Variants in ENTPD1 observed in about 807,000 individuals in gnomAD.
The protein encoded by ENTPD1 is ATP diphosphohydrolase.
A neutral mutation model predicts 57.0 loss-of-function variants in ENTPD1; 33 were observed. That is an observed-to-expected ratio of 0.58 (90% CI 0.44 to 0.77). ENTPD1 has a LOEUF of 0.77. ENTPD1 is among the 30% of genes least tolerant of loss of function. The pLI, the probability that ENTPD1 is intolerant of heterozygous loss-of-function variation, is 0.00. For synonymous variants in ENTPD1, 202 were observed against 218.8 expected, an observed-to-expected ratio of 0.92 and a Z score of 0.68; for missense variants, 501 against 603.4, an observed-to-expected ratio of 0.83 and a Z score of 1.78.
intron 1 of ENTPD1, among the ~76,000 whole-genome samples, chr10:95,715,545 A>G (rs1483515959): frequency 6.6e-6 from 1 of 151,380 alleles, no homozygotes; most frequent in Admixed American, 6.6e-5. Flanking sequence ...ATTCACATTC[A>G]GTGTAGTTAT....
Position 95,872,115 on chromosome 10 carries a change from AT to A in ENTPD1, c.*5734del, listed in dbSNP as rs2098481178. On this transcript the variant is annotated 3_prime_UTR_variant, in exon 10 of 10. Transcript: ENST00000371205. ...TATTTCTCCTTCTAATATTACTGTT[AT>A]TGCTCCAGTAAAGAGCTGTAATATA... 1.0e-6 allele frequency: 1 copy of A among 985,358 alleles called. No homozygotes were observed. Among genetic ancestry groups the A allele is most frequent in the Non-Finnish European group, 1.2e-6 (1 of 829,916 alleles). The allele number at this position is 985,358 out of a possible 1,614,324, so 61.0% of individuals were successfully genotyped here. A position where few individuals can be genotyped will look rare whatever the true frequency, so the allele number is the denominator to read the frequency against.
At chr10:95,719,274 G>A (rs927916884) in intron 1 of ENTPD1, among the ~76,000 whole-genome samples, 2 of 152,282 alleles carry the variant, frequency 1.3e-5, no homozygotes, top group Middle Eastern at 3.4e-3. Flanking sequence ...ATAAAGAAAA[G>A]TCTCGCTCCG....
intron 1 of ENTPD1, among the ~76,000 whole-genome samples, chr10:95,774,343 C>T (rs2140124182): frequency 6.6e-6 from 1 of 152,250 alleles, no homozygotes; most frequent in East Asian, 1.9e-4. Context: ...AATTAGATCC[C>T]ATTTGTCTAT....
At chr10:95,865,992 TG>T (rs2098473767) in intron 9 of ENTPD1, among the ~76,000 whole-genome samples, 184 bp from the exon 10 acceptor site, 1 of 152,176 alleles carries the variant, frequency 6.6e-6, no homozygotes, top group Admixed American at 6.5e-5. Context: ...CTCAAACTCC[TG>T]GCCTCAAGTG....
intron 2 of ENTPD1, among the ~76,000 whole-genome samples, chr10:95,830,620 A>G (rs1355408234): frequency 1.3e-5 from 2 of 152,120 alleles, no homozygotes; most frequent in East Asian, 3.9e-4. Context: ...AGCCTGGCCA[A>G]CATGGTGAAC....
chr10:95,839,488 C>G (rs1471779200), intron 2 of ENTPD1: 6 of 625,652 alleles, frequency 9.6e-6, no homozygotes, highest in Non-Finnish European at 5.8e-6. Context: ...TTCTAACATG[C>G]AAACAGCATG....
At position 95,867,486 on chromosome 10, in the gene ENTPD1, A is replaced by T; in HGVS notation, c.*1103A>T. Reference sequence around the variant, plus strand: ...GCCACATCTTATTTTTCCAAGGTTTAATTTAGTGAGAGGGCAGCATTAGTG... The same window carrying T: ...GCCACATCTTATTTTTCCAAGGTTTTATTTAGTGAGAGGGCAGCATTAGTG... On this transcript the variant is annotated 3_prime_UTR_variant, in exon 10 of 10. Transcript: ENST00000371205. 1 of 985,436 alleles carries T rather than the reference A, an allele frequency of 1.0e-6. No individual in the cohort carries two copies. Among genetic ancestry groups the T allele is most frequent in the Non-Finnish European group, 1.2e-6 (1 of 829,928 alleles). The allele number at this position is 985,436 out of a possible 1,614,324, so 61.0% of individuals were successfully genotyped here. A position where few individuals can be genotyped will look rare whatever the true frequency, so the allele number is the denominator to read the frequency against.
At chr10:95,807,561 G>A (rs1019560676) in intron 1 of ENTPD1, among the ~76,000 whole-genome samples, 46 of 152,326 alleles carry the variant, frequency 3.0e-4, no homozygotes, top group African/African-American at 1.1e-3. Flanking sequence ...TACCTCAATT[G>A]GAAATGCAGA....
intron 1 of ENTPD1, among the ~76,000 whole-genome samples, chr10:95,747,340 A>G (rs558703673): frequency 1.2e-4 from 19 of 152,238 alleles, no homozygotes; most frequent in Admixed American, 2.6e-4. Context: ...ACATAAACAC[A>G]GGCATTCTTG....
At chr10:95,844,455 C>T in intron 4 of ENTPD1, 21 bp from the exon 5 acceptor site, 2 of 1,613,830 alleles carry the variant, frequency 1.2e-6, no homozygotes, top group Non-Finnish European at 1.7e-6. Context: ...AAATGATAAC[C>T]TCAGCTCTTC....
intron 1 of ENTPD1, among the ~76,000 whole-genome samples, chr10:95,729,745 C>T (rs1465367662): frequency 6.6e-6 from 1 of 152,170 alleles, no homozygotes; most frequent in African/African-American, 2.4e-5. Context: ...TGCTTATTTT[C>T]CTAGTAGTGG....
intron 1 of ENTPD1, among the ~76,000 whole-genome samples, chr10:95,743,492 T>G (rs1048954368): frequency 6.6e-6 from 1 of 152,214 alleles, no homozygotes; most frequent in Non-Finnish European, 1.5e-5. Context: ...CTTTACCTCC[T>G]AGAGAGTGGA....
chr10:95,836,358 C>T (rs1418844030), intron 2 of ENTPD1, among the ~76,000 whole-genome samples: 2 of 151,744 alleles, frequency 1.3e-5, no homozygotes, highest in African/African-American at 4.8e-5. Context: ...TCTTTGATTT[C>T]TTTGGGCAAT....
upstream of ENTPD1, chr10:95,756,090 G>A (rs1203224363): frequency 2.0e-6 from 3 of 1,517,276 alleles, no homozygotes; most frequent in Admixed American, 2.4e-5. Context: ...CTTCCGAAAC[G>A]GGGCCGGCTA....
At chr10:95,805,151 T>C (rs188824567) in intron 1 of ENTPD1, among the ~76,000 whole-genome samples, 71 of 152,318 alleles carry the variant, frequency 4.7e-4, no homozygotes, top group Non-Finnish European at 8.5e-4. Context: ...TCTAAGGACT[T>C]GCTTTATGAA....
chr10:95,866,839 T>C lies in ENTPD1; in HGVS notation c.*456T>C, dbSNP rs933469540. On this transcript the variant is annotated 3_prime_UTR_variant, in exon 10 of 10. Transcript: ENST00000371205. ...TTTGCCATCCATTAAGAAAGCCATATGATGCCTTTGGAGAAGGCAGACACA... is the reference window on the plus strand; with the variant it reads ...TTTGCCATCCATTAAGAAAGCCATACGATGCCTTTGGAGAAGGCAGACACA... 27 of 1,052,446 alleles carry C rather than the reference T, an allele frequency of 2.6e-5. No individual in the cohort carries two copies. In the African/African-American group the frequency reaches 4.2e-4, roughly 17 times the overall value. 65.2% of individuals were successfully genotyped at this position (1,052,446 alleles called of 1,614,324 possible).
intron 1 of ENTPD1, among the ~76,000 whole-genome samples, chr10:95,776,202 A>G (rs996488975): frequency 3.9e-5 from 6 of 152,026 alleles, no homozygotes; most frequent in African/African-American, 1.4e-4. Context: ...TGGTTATTTT[A>G]CCCATTAGTT....
intron 1 of ENTPD1, among the ~76,000 whole-genome samples, chr10:95,811,847 C>A (rs1404940950): frequency 6.6e-6 from 1 of 152,160 alleles, no homozygotes; most frequent in Non-Finnish European, 1.5e-5. Context: ...CATTTTTAGT[C>A]TTTTGCCATT....
intron 1 of ENTPD1, among the ~76,000 whole-genome samples, chr10:95,784,678 A>G (rs1189927199): frequency 6.6e-6 from 1 of 152,158 alleles, no homozygotes; most frequent in Non-Finnish European, 1.5e-5. Context: ...GAAAACACCT[A>G]TCGGCCTCAG....
Sources: allele counts gnomAD v4.1 joint callset (sites outside exome capture counted in the v4.1 genomes callset), GRCh38; gene constraint gnomAD v4.1.1; transcripts MANE v1.5; gene names NCBI Gene and HGNC (gene_info 2026-07-23, HGNC 2026-07-21).